The following SCGB2B2 variants were observed in gnomAD, a reference collection of about 807,000 sequenced individuals.
The protein encoded by SCGB2B2 is secretoglobin-like protein.
Under a neutral mutation model 7.6 loss-of-function variants are expected in SCGB2B2, and 11 were observed. That is an observed-to-expected ratio of 1.45 (90% CI 0.91 to 2.40). The LOEUF (loss-of-function observed/expected upper bound fraction) is 2.40, where lower values mean the gene tolerates loss of function less well. SCGB2B2 is among the 30% of genes most tolerant of loss of function. The pLI, the probability that SCGB2B2 is intolerant of heterozygous loss-of-function variation, is 0.00. For missense variants in SCGB2B2, 104 were observed against 115.4 expected, an observed-to-expected ratio of 0.90 and a Z score of 0.45; for synonymous variants, 50 against 48.6, an observed-to-expected ratio of 1.03 and a Z score of -0.12.
intron 1 of SCGB2B2, among the ~76,000 whole-genome samples, chr19:34,624,269 C>T (rs1402421696): frequency 6.6e-6 from 1 of 152,146 alleles, no homozygotes; most frequent in Non-Finnish European, 1.5e-5. Context: ...AGGAATAAAA[C>T]AACCCAAATG....
intron 1 of SCGB2B2, among the ~76,000 whole-genome samples, chr19:34,602,945 G>A (rs951899377): frequency 2.0e-5 from 3 of 152,102 alleles, no homozygotes; most frequent in Non-Finnish European, 4.4e-5. Context: ...TTTATTGTTT[G>A]GAAGAATTTG....
intron 1 of SCGB2B2, among the ~76,000 whole-genome samples, chr19:34,597,464 C>A (rs1481550827): frequency 6.6e-6 from 1 of 152,114 alleles, no homozygotes; most frequent in African/African-American, 2.4e-5. Flanking sequence ...TGATATCAGA[C>A]ATCTCCCGTG....
At chr19:34,658,825 A>C (rs1302720236) in intron 1 of SCGB2B2, among the ~76,000 whole-genome samples, 3 of 141,658 alleles carry the variant, frequency 2.1e-5, no homozygotes, top group Admixed American at 7.1e-5. Context: ...AAAAAAAAAA[A>C]AAAAAAAAAA....
chr19:34,620,356 G>C (rs904913900), intron 1 of SCGB2B2, among the ~76,000 whole-genome samples: 1 of 152,036 alleles, frequency 6.6e-6, no homozygotes, highest in African/African-American at 2.4e-5. Context: ...CCATAAAAAA[G>C]GATGAGTTCA....
chr19:34,586,285 A>G (rs1182634061), downstream of SCGB2B2, among the ~76,000 whole-genome samples: 3 of 152,248 alleles, frequency 2.0e-5, no homozygotes, highest in Admixed American at 6.5e-5. Context: ...TATAATTGAC[A>G]TATAACAAAT....
chr19:34,586,442 C>T (rs534881200), downstream of SCGB2B2, among the ~76,000 whole-genome samples: 1 of 152,270 alleles, frequency 6.6e-6, no homozygotes, highest in East Asian at 1.9e-4. Context: ...TCCTTAATCC[C>T]TTCCTCCTCT....
intron 1 of SCGB2B2, among the ~76,000 whole-genome samples, chr19:34,664,813 A>C (rs2067566508): frequency 6.6e-6 from 1 of 150,636 alleles, no homozygotes; most frequent in Non-Finnish European, 1.5e-5. Flanking sequence ...CCACTCACCC[A>C]CCCATCACCC....
In SCGB2B2 at chr19:34,594,875, A is replaced by T. The variant is rs1050719431; in HGVS notation, c.-312T>A. 1.7e-5 allele frequency: 7 copies of T among 419,926 alleles called. No homozygotes were observed. The highest frequency in any genetic ancestry group is 2.7e-5 in the Non-Finnish European group (6 of 222,914). The allele number at this position is 419,926 out of a possible 1,614,324, so 26.0% of individuals were successfully genotyped here. ...TTGGGAGCAGGCTGAACACTGGTGTAAGCCTGCAAGTCTGAGTGTGCATGC... is the reference window on the plus strand; with the variant it reads ...TTGGGAGCAGGCTGAACACTGGTGTTAGCCTGCAAGTCTGAGTGTGCATGC... On this transcript the variant is annotated 5_prime_UTR_variant, in exon 2 of 4. Transcript: ENST00000601241.
At chr19:34,630,882 A>G (rs1035287048) in intron 1 of SCGB2B2, among the ~76,000 whole-genome samples, 1 of 151,966 alleles carries the variant, frequency 6.6e-6, no homozygotes, top group Non-Finnish European at 1.5e-5. Flanking sequence ...CAATAATGAT[A>G]GACTGGATTA....
At chr19:34,668,272 G>C (rs143301838) in intron 1 of SCGB2B2, among the ~76,000 whole-genome samples, 1 of 152,124 alleles carries the variant, frequency 6.6e-6, no homozygotes, top group Non-Finnish European at 1.5e-5. Flanking sequence ...TGGGCTTGGC[G>C]GGCCCCGCAC....
intron 1 of SCGB2B2, among the ~76,000 whole-genome samples, chr19:34,672,263 C>G (rs1433949532): frequency 6.6e-6 from 1 of 150,508 alleles, no homozygotes; most frequent in Non-Finnish European, 1.5e-5. Context: ...GAGTTATATC[C>G]CTTTTATTGA....
In SCGB2B2 at chr19:34,676,954, G is replaced by C. The variant is rs1375656913; in HGVS notation, c.-3356C>G. The C allele has an allele frequency of 2.0e-5, 3 of 152,110 alleles. No individual in the cohort carries two copies. Among genetic ancestry groups the C allele is most frequent in the African/African-American group, 4.8e-5 (2 of 41,388 alleles). 9.4% of individuals were successfully genotyped at this position (152,110 alleles called of 1,614,324 possible). A position where few individuals can be genotyped will look rare whatever the true frequency, so the allele number is the denominator to read the frequency against. ...GCTGCGGGAGGAGTGACTCCTCCCA[G>C]GATGAGGGTCTCCATCCTCCCAGTG... is the stretch of plus-strand genomic sequence containing the variant. On this transcript the variant is annotated 5_prime_UTR_variant, in exon 1 of 4. Coordinates refer to ENST00000601241, the MANE Select transcript of SCGB2B2 (RefSeq NM_001025591.4).
At chr19:34,607,878 T>C (rs7246291) in intron 1 of SCGB2B2, among the ~76,000 whole-genome samples, 3,438 of 152,332 alleles carry the variant, frequency 0.023, 140 homozygotes, top group African/African-American at 0.079. Flanking sequence ...ATATTTTCTC[T>C]CATTTTTTAG....
rs1223966814 is a variant in SCGB2B2 at position 34,628,616 on chromosome 19, C to T, written c.-2031-32022G>A. ...CCAATAACAGGCTCTGAAATTGAGG[C>T]AATCACTAATAGCCTACCAACCAAA... On this transcript the variant is annotated intron_variant, in intron 1 of 3. Coordinates refer to ENST00000601241, the MANE Select transcript of SCGB2B2 (RefSeq NM_001025591.4). Among the ~76,000 whole-genome samples the T allele has an allele frequency of 2.6e-5, 4 of 151,950 alleles. No homozygotes were observed. The East Asian group carries it at 7.7e-4, about 29-fold the overall frequency.
chr19:34,614,749 A>AGTT (rs1169333239), intron 1 of SCGB2B2, among the ~76,000 whole-genome samples: 1 of 152,166 alleles, frequency 6.6e-6, no homozygotes, highest in Non-Finnish European at 1.5e-5. Flanking sequence ...AACTTTTTAG[A>AGTT]GTTGCTTTCA....
intron 1 of SCGB2B2, among the ~76,000 whole-genome samples, chr19:34,634,091 C>T (rs1399325412): frequency 6.6e-6 from 1 of 152,202 alleles, no homozygotes; most frequent in African/African-American, 2.4e-5. Context: ...CTGCCATTGA[C>T]CTTGTGCACA....
rs374216833 is a variant in SCGB2B2 at position 34,591,143 on chromosome 19, CCT to C, written c.*2410_*2411del. Among the ~76,000 whole-genome samples the C allele has an allele frequency of 4.5e-4, 68 of 152,298 alleles. 2 individuals are homozygous for C. The highest frequency in any genetic ancestry group is 1.4e-3 in the African/African-American group (60 of 41,564). On this transcript the variant is annotated 3_prime_UTR_variant, in exon 4 of 4. Transcript: ENST00000601241. ...CTCCAAACTAGAGCGTCTCACACCC[CCT>C]GTGTCCCGTCCTCCTGGATAGCTAA...
chr19:34,623,721 C>T (rs1252398920), intron 1 of SCGB2B2, among the ~76,000 whole-genome samples: 1 of 152,178 alleles, frequency 6.6e-6, no homozygotes, highest in East Asian at 1.9e-4. Context: ...TTGACTCTGT[C>T]CCTGGCTTCT....
intron 1 of SCGB2B2, among the ~76,000 whole-genome samples, chr19:34,639,604 A>AT (rs1398170938): frequency 6.6e-6 from 1 of 152,138 alleles, no homozygotes; most frequent in Non-Finnish European, 1.5e-5. Context: ...ACCACAAAGA[A>AT]TTTTCCCACT....
Sources: gnomAD v4.1 joint callset for allele counts (sites outside exome capture counted in the v4.1 genomes callset) on GRCh38, gnomAD v4.1.1 for gene constraint, MANE v1.5 for transcripts, NCBI Gene and HGNC (gene_info 2026-07-23, HGNC 2026-07-21) for gene names.